Variants in CTNNA2 observed in about 807,000 individuals in gnomAD.
CTNNA2 encodes catenin alpha 2.
In CTNNA2, 42 loss-of-function variants were observed where a neutral mutation model predicts 101.0. The ratio of observed to expected loss-of-function variants is 0.42; its 90% confidence interval spans 0.32 to 0.54. The LOEUF (loss-of-function observed/expected upper bound fraction) is 0.54. CTNNA2 is among the 20% of genes least tolerant of loss of function. The pLI is 0.14. For synonymous variants in CTNNA2, 450 were observed against 456.4 expected (o/e 0.99, Z 0.18); for missense variants, 871 against 1,223.1 (o/e 0.71, Z 4.29).
chr2:80,142,887 G>C (rs1469149039), intron 7 of CTNNA2, among the ~76,000 whole-genome samples: 1 of 150,412 alleles, frequency 6.6e-6, no homozygotes, highest in Non-Finnish European at 1.5e-5. Flanking sequence ...CATTCCTCAG[G>C]TGCCCCATCA....
At chr2:79,655,879 A>G (rs1681580458) in intron 2 of CTNNA2, among the ~76,000 whole-genome samples, 1 of 152,156 alleles carries the variant, frequency 6.6e-6, no homozygotes, top group Non-Finnish European at 1.5e-5. Flanking sequence ...CCAGTTATCT[A>G]AAGTCCTTCT....
intron 7 of CTNNA2, among the ~76,000 whole-genome samples, chr2:80,097,007 T>C (rs1700198478): frequency 6.6e-6 from 1 of 152,208 alleles, no homozygotes; most frequent in Admixed American, 6.5e-5. Context: ...CCCATTTACA[T>C]TTAAGGTTAA....
rs566085393 is a variant in CTNNA2 at position 79,663,153 on chromosome 2, T to G, written c.102+11495T>G. Among the ~76,000 whole-genome samples the G allele has an allele frequency of 3.3e-5, 5 of 152,310 alleles. No homozygotes were observed. The East Asian group carries it at 9.7e-4, about 29-fold the overall frequency. On this transcript the variant is annotated intron_variant, in intron 2 of 18. Transcript: ENST00000402739. Reference sequence around the variant, plus strand: ...TCCTTAGCTCTTCTTTGCTCAGATCTGCCACTTTCCAACTCTGCTGCTAAA... The same window carrying G: ...TCCTTAGCTCTTCTTTGCTCAGATCGGCCACTTTCCAACTCTGCTGCTAAA...
intron 3 of CTNNA2, among the ~76,000 whole-genome samples, chr2:79,819,058 C>A (rs1677803344): frequency 1.3e-5 from 2 of 150,940 alleles, no homozygotes; most frequent in African/African-American, 4.9e-5. Context: ...CGGTTCACTG[C>A]AACCCCTGCC....
chr2:79,426,885 C>T (rs1014654358), intron 4 of CTNNA2, among the ~76,000 whole-genome samples: 1 of 151,982 alleles, frequency 6.6e-6, no homozygotes, highest in Non-Finnish European at 1.5e-5. Flanking sequence ...CAAGATTCTG[C>T]CCTTAAGAGA....
chr2:80,063,867 C>G (rs1362988555), intron 7 of CTNNA2, among the ~76,000 whole-genome samples: 1 of 152,208 alleles, frequency 6.6e-6, no homozygotes, highest in East Asian at 1.9e-4. Flanking sequence ...AATTCACACT[C>G]TACCCACCCC....
At chr2:79,893,318 G>C (rs1684437745) in intron 6 of CTNNA2, among the ~76,000 whole-genome samples, 1 of 152,100 alleles carries the variant, frequency 6.6e-6, no homozygotes, top group Non-Finnish European at 1.5e-5. Context: ...TCTTTCCAGA[G>C]GTCCCACTCA....
At chr2:79,845,308 T>A (rs1262867228) in intron 3 of CTNNA2, among the ~76,000 whole-genome samples, 1 of 151,864 alleles carries the variant, frequency 6.6e-6, no homozygotes, top group Admixed American at 6.6e-5. Context: ...AAATTGTGAC[T>A]TCATGTTGAA....
chr2:79,364,017 A>G (rs1481336071), intron 3 of CTNNA2, among the ~76,000 whole-genome samples: 1 of 152,218 alleles, frequency 6.6e-6, no homozygotes, highest in Non-Finnish European at 1.5e-5. Flanking sequence ...AAAAGGCATT[A>G]CATCTAAAGG....
chr2:79,452,487 TA>T (rs1670767603), intron 4 of CTNNA2, among the ~76,000 whole-genome samples: 1 of 151,998 alleles, frequency 6.6e-6, no homozygotes, highest in African/African-American at 2.4e-5. Context: ...ACTTCTGTAA[TA>T]AAAATAATTA....
chr2:79,921,096 A>T (rs1686621048), intron 7 of CTNNA2, among the ~76,000 whole-genome samples: 1 of 152,158 alleles, frequency 6.6e-6, no homozygotes, highest in Non-Finnish European at 1.5e-5. Context: ...GGTCACAGTT[A>T]AGCTTTTTGA....
At chr2:80,595,855 T>A (rs1362199988) in intron 15 of CTNNA2, among the ~76,000 whole-genome samples, 3 of 152,148 alleles carry the variant, frequency 2.0e-5, no homozygotes, top group Admixed American at 6.6e-5. Flanking sequence ...AGGCTTTTTT[T>A]GTTTCACATG....
At chr2:79,888,759 A>G (rs1178791316) in intron 6 of CTNNA2, among the ~76,000 whole-genome samples, 1 of 152,196 alleles carries the variant, frequency 6.6e-6, no homozygotes, top group African/African-American at 2.4e-5. Flanking sequence ...GAATATTGAC[A>G]GATTCTTTAG....
chr2:80,634,129 T>C (rs1672598082), intron 18 of CTNNA2, among the ~76,000 whole-genome samples: 5 of 152,026 alleles, frequency 3.3e-5, no homozygotes, highest in Admixed American at 2.6e-4. Context: ...CAAATATTTA[T>C]GGAGGACTCA....
chr2:79,192,482 A>C (rs1673887661), intron 1 of CTNNA2, among the ~76,000 whole-genome samples: 1 of 152,152 alleles, frequency 6.6e-6, no homozygotes, highest in Non-Finnish European at 1.5e-5. Flanking sequence ...GAAAAGTCAA[A>C]TATTTTTTCG....
rs573576403 is a variant in CTNNA2, at chr2:79,535,344, A to G, written c.-6+22137A>G. Among the ~76,000 whole-genome samples, 670 of 152,020 alleles carry G rather than the reference A, an allele frequency of 4.4e-3. 5 individuals are homozygous for G. Among genetic ancestry groups the G allele is most frequent in the African/African-American group, 0.015 (628 of 41,478 alleles). On this transcript the variant is annotated intron_variant, in intron 1 of 18. Transcript: ENST00000402739. ...CTCAGCCTCCGGAGTAGCTGGGATTATAGGCCCCTGCCACCACGCCCAGCT... is the reference window on the plus strand; with the variant it reads ...CTCAGCCTCCGGAGTAGCTGGGATTGTAGGCCCCTGCCACCACGCCCAGCT...
chr2:79,828,845 A>T (rs188775037), intron 3 of CTNNA2, among the ~76,000 whole-genome samples: 233 of 152,316 alleles, frequency 1.5e-3, no homozygotes, highest in African/African-American at 5.3e-3. Context: ...CTGTGTTTTC[A>T]CAGGCCCTCC....
intron 4 of CTNNA2, among the ~76,000 whole-genome samples, chr2:79,498,358 G>A (rs1671281130): frequency 6.6e-6 from 1 of 152,212 alleles, no homozygotes; most frequent in Non-Finnish European, 1.5e-5. Flanking sequence ...TGTTTGAGCA[G>A]TTAAAGACTG....
At chr2:80,234,830 T>G (rs1319378631) in intron 7 of CTNNA2, among the ~76,000 whole-genome samples, 1 of 152,022 alleles carries the variant, frequency 6.6e-6, no homozygotes, top group Non-Finnish European at 1.5e-5. Context: ...TTTTTTGGTA[T>G]GTGCTAGCTT....
Sources: gnomAD v4.1 joint callset for allele counts (sites outside exome capture counted in the v4.1 genomes callset) on GRCh38, gnomAD v4.1.1 for gene constraint, MANE v1.5 for transcripts, NCBI Gene and HGNC (gene_info 2026-07-23, HGNC 2026-07-21) for gene names.